Variants in OPCML observed in about 807,000 individuals in gnomAD.
OPCML encodes the protein opioid binding protein/cell adhesion molecule like, also known as opioid-binding protein/cell adhesion molecule.
Under a neutral mutation model 37.8 loss-of-function variants are expected in OPCML, and 13 were observed. The ratio of observed to expected loss-of-function variants is 0.34; its 90% CI spans 0.22 to 0.55. The LOEUF (loss-of-function observed/expected upper bound fraction) is 0.55, where lower values mean the gene tolerates loss of function less well. OPCML is among the 20% of genes least tolerant of loss of function. The pLI, the probability that OPCML is intolerant of heterozygous loss-of-function variation, is 0.91. For synonymous variants in OPCML, 176 were observed against 168.8 expected (o/e 1.04, Z -0.33); for missense variants, 341 against 435.6 (o/e 0.78, Z 1.93).
rs567507773 is a variant in OPCML, at chr11:133,397,345, C to T, written c.61+134919G>A. Among the ~76,000 whole-genome samples the T allele has an allele frequency of 9.7e-4, 147 of 152,286 alleles. 1 individual carries two copies. The highest frequency in any genetic ancestry group is 3.4e-3 in the African/African-American group (143 of 41,568). On this transcript the variant is annotated intron_variant, in intron 1 of 7. Coordinates refer to ENST00000524381, the MANE Select transcript of OPCML (RefSeq NM_001012393.5). The stretch of plus-strand genomic sequence containing the variant: ...TTATTCTCAAGCACCAATAAGATGC[C>T]ACTCTATACTTCAATCATCCGAGAA...
chr11:133,157,117 C>A (rs1003196337), intron 1 of OPCML, among the ~76,000 whole-genome samples: 3 of 152,038 alleles, frequency 2.0e-5, no homozygotes, highest in African/African-American at 7.2e-5. Flanking sequence ...TCAGAGGGAG[C>A]CGGCAATTTC....
At chr11:133,309,581 G>T (rs965084535) in intron 1 of OPCML, among the ~76,000 whole-genome samples, 1 of 152,210 alleles carries the variant, frequency 6.6e-6, no homozygotes, top group Non-Finnish European at 1.5e-5. Flanking sequence ...GCATTTATGG[G>T]AAAATGGTTA....
At chr11:133,100,695 C>A (rs777819668) in intron 1 of OPCML, among the ~76,000 whole-genome samples, 1 of 152,008 alleles carries the variant, frequency 6.6e-6, no homozygotes, top group Non-Finnish European at 1.5e-5. Context: ...GACAGAAGAC[C>A]AAAGGCAATA....
At chr11:132,524,610 C>T (rs1256959066) in intron 4 of OPCML, among the ~76,000 whole-genome samples, 1 of 152,160 alleles carries the variant, frequency 6.6e-6, no homozygotes, top group South Asian at 2.1e-4. Context: ...TAGTGCTTTT[C>T]GTTATGTTCA....
intron 2 of OPCML, among the ~76,000 whole-genome samples, chr11:132,758,961 T>C (rs1165959908): frequency 1.3e-5 from 2 of 152,154 alleles, no homozygotes; most frequent in Admixed American, 1.3e-4. Context: ...TTTTATTATT[T>C]TGAGATACAC....
chr11:132,609,573 C>T (rs1408244676), intron 3 of OPCML, among the ~76,000 whole-genome samples: 1 of 152,174 alleles, frequency 6.6e-6, no homozygotes, highest in Non-Finnish European at 1.5e-5. Context: ...CTTAGCACAC[C>T]ATTCCCACCA....
chr11:132,584,282 T>C (rs7125546), intron 3 of OPCML, among the ~76,000 whole-genome samples: 2,239 of 152,230 alleles, frequency 0.015, 60 homozygotes, highest in African/African-American at 0.051. Context: ...AATCAATTGA[T>C]GCTACTTAAA....
At chr11:132,597,897 C>T (rs540699354) in intron 3 of OPCML, among the ~76,000 whole-genome samples, 8 of 152,262 alleles carry the variant, frequency 5.3e-5, no homozygotes, top group Non-Finnish European at 8.8e-5. Flanking sequence ...TAGCTTCCTT[C>T]TATTCCACAC....
chr11:132,972,187 G>A (rs989606953), intron 1 of OPCML, among the ~76,000 whole-genome samples: 13 of 152,244 alleles, frequency 8.5e-5, no homozygotes, highest in African/African-American at 2.4e-4. Flanking sequence ...CTCTGACTGG[G>A]AGAGATGGCA....
At chr11:132,767,066 AATGATG>A (rs1315298212) in intron 2 of OPCML, among the ~76,000 whole-genome samples, 1 of 152,222 alleles carries the variant, frequency 6.6e-6, no homozygotes, top group African/African-American at 2.4e-5. Flanking sequence ...CATTCCTAGA[AATGATG>A]ATAAAACAAA....
At chr11:133,196,529 T>C (rs1402204110) in intron 1 of OPCML, among the ~76,000 whole-genome samples, 1 of 152,208 alleles carries the variant, frequency 6.6e-6, no homozygotes, top group Non-Finnish European at 1.5e-5. Context: ...CCAGAGGGGA[T>C]AGGTTGGTGA....
At chr11:133,291,826 G>A (rs1942485309) in intron 1 of OPCML, among the ~76,000 whole-genome samples, 1 of 152,168 alleles carries the variant, frequency 6.6e-6, no homozygotes, top group African/African-American at 2.4e-5. Context: ...AAAAGTTCAG[G>A]TGGTTCTTTT....
chr11:133,443,517 A>G (rs78568989), intron 1 of OPCML, among the ~76,000 whole-genome samples: 71 of 152,356 alleles, frequency 4.7e-4, no homozygotes, highest in Non-Finnish European at 8.1e-4. Flanking sequence ...CATGCGCAGC[A>G]TTGCTCATTA....
chr11:133,007,033 A>G, intron 1 of OPCML: 1 of 985,460 alleles, frequency 1.0e-6, no homozygotes, highest in East Asian at 1.1e-4. Context: ...GAGAGAGGAA[A>G]GGCATGAGAA....
intron 2 of OPCML, among the ~76,000 whole-genome samples, chr11:132,905,933 C>T (rs561404726): frequency 6.6e-6 from 1 of 152,188 alleles, no homozygotes; most frequent in Non-Finnish European, 1.5e-5. Context: ...ATTAATGATG[C>T]ATGTCTTAGC....
At chr11:132,755,698 G>T (rs749147374) in intron 2 of OPCML, among the ~76,000 whole-genome samples, 1 of 152,144 alleles carries the variant, frequency 6.6e-6, no homozygotes, top group East Asian at 1.9e-4. Context: ...GTATGGAACG[G>T]TTACTTGCTT....
chr11:133,386,059 G>A (rs1293243397), intron 1 of OPCML, among the ~76,000 whole-genome samples: 2 of 152,192 alleles, frequency 1.3e-5, no homozygotes, highest in African/African-American at 2.4e-5. Context: ...GAGCGGGAGA[G>A]GGGAAGTGTG....
chr11:132,827,618 T>TTTG (rs1245156437), intron 2 of OPCML, among the ~76,000 whole-genome samples: 4 of 152,016 alleles, frequency 2.6e-5, no homozygotes, highest in African/African-American at 9.7e-5. Context: ...CCAATGTGCT[T>TTTG]TTGTTGTTGT....
intron 1 of OPCML, among the ~76,000 whole-genome samples, chr11:133,424,681 A>G (rs1459302563): frequency 1.3e-5 from 2 of 152,206 alleles, no homozygotes; most frequent in African/African-American, 4.8e-5. Flanking sequence ...ATCTATGTTC[A>G]TCTTTTGTTC....
Sources: gnomAD v4.1 joint callset for allele counts (sites outside exome capture counted in the v4.1 genomes callset) on GRCh38, gnomAD v4.1.1 for gene constraint, MANE v1.5 for transcripts, NCBI Gene and HGNC (gene_info 2026-07-23, HGNC 2026-07-21) for gene names.